Variants in SNAP91 observed in about 807,000 individuals in gnomAD.
SNAP91 encodes synaptosome associated protein 91, also known as clathrin coat assembly protein AP180.
A neutral mutation model predicts 100.3 loss-of-function variants in SNAP91; 27 were observed. The ratio of observed to expected loss-of-function variants is 0.27; its 90% CI spans 0.20 to 0.37. The LOEUF is 0.37. Ranked by LOEUF, SNAP91 falls within the 10% of genes least tolerant of loss-of-function variation. The pLI is 1.00. For synonymous variants in SNAP91, 404 were observed against 398.6 expected, an observed-to-expected ratio of 1.01 and a Z score of -0.16; for missense variants, 986 against 1,123.7, an observed-to-expected ratio of 0.88 and a Z score of 1.75.
intron 2 of SNAP91, among the ~76,000 whole-genome samples, chr6:83,701,964 T>C (rs377599328): frequency 6.6e-4 from 100 of 152,332 alleles, no homozygotes; most frequent in African/African-American, 2.3e-3. Context: ...TTACAAATCA[T>C]TGTGCAATTG....
chr6:83,704,291 G>T (rs1327157858), intron 2 of SNAP91, among the ~76,000 whole-genome samples: 1 of 152,092 alleles, frequency 6.6e-6, no homozygotes, highest in Non-Finnish European at 1.5e-5. Flanking sequence ...AACCAATATT[G>T]GTTAGGTATT....
chr6:83,643,968 A>G (rs1022601173), intron 7 of SNAP91, among the ~76,000 whole-genome samples: 6 of 152,198 alleles, frequency 3.9e-5, no homozygotes, highest in Admixed American at 6.6e-5. Flanking sequence ...CTATAAGACG[A>G]AAGTCTTTTC....
chr6:83,591,250 C>G lies in SNAP91; in HGVS notation c.1975G>C (p.Ala659Pro), dbSNP rs199865724. Reference sequence around the variant, plus strand: ...GCCGATGCTGATGAACTAGAAGCAGCCTGAGATGCAGGTTGGGGTTCAGAA... The same window carrying G: ...GCCGATGCTGATGAACTAGAAGCAGGCTGAGATGCAGGTTGGGGTTCAGAA... ...SASEPQPASQ[A>P]ASSSSASADL... Residue 659 changes from alanine to proline, a missense_variant, in exon 22 of 30, where the codon GCT becomes CCT. This residue lies in a region of SNAP91 where 575 missense variants were observed against 579.9 expected (regional missense o/e 0.99). Coordinates refer to ENST00000369694, the MANE Select transcript of SNAP91 (RefSeq NM_001242792.2). The G allele has an allele frequency of 6.2e-7, 1 of 1,612,740 alleles. No homozygotes were observed. The highest frequency in any genetic ancestry group is 1.3e-5 in the African/African-American group (1 of 74,894).
At chr6:83,590,539 G>T (rs531545338) in intron 22 of SNAP91, among the ~76,000 whole-genome samples, 2 of 150,540 alleles carry the variant, frequency 1.3e-5, no homozygotes, top group South Asian at 2.1e-4. Context: ...ATAGAAAAAT[G>T]ATCAGCTTGT....
intron 6 of SNAP91, among the ~76,000 whole-genome samples, chr6:83,657,426 A>T (rs1481147090): frequency 6.6e-6 from 1 of 152,202 alleles, no homozygotes; most frequent in African/African-American, 2.4e-5. Context: ...CTCTTTTAAG[A>T]CAGAACCCTT....
At chr6:83,602,462 T>C (rs1054408166) in intron 14 of SNAP91, among the ~76,000 whole-genome samples, 3 of 152,182 alleles carry the variant, frequency 2.0e-5, no homozygotes, top group Non-Finnish European at 2.9e-5. Context: ...TGCCTAGTTA[T>C]ACAGAATTCA....
intron 7 of SNAP91, among the ~76,000 whole-genome samples, chr6:83,650,020 ATT>A (rs566120561): frequency 6.8e-6 from 1 of 146,826 alleles, no homozygotes. Flanking sequence ...TTTGTTGAAG[ATT>A]TTTTTTTTTT....
At chr6:83,578,578 ATTAT>A (rs1392675224) in intron 24 of SNAP91, among the ~76,000 whole-genome samples, 1 of 152,146 alleles carries the variant, frequency 6.6e-6, no homozygotes, top group African/African-American at 2.4e-5. Flanking sequence ...TAAAAATTGC[ATTAT>A]TTGTGTTTTC....
chr6:83,670,759 C>G (rs1221245871), intron 2 of SNAP91, among the ~76,000 whole-genome samples: 1 of 151,806 alleles, frequency 6.6e-6, no homozygotes, highest in Admixed American at 6.6e-5. Flanking sequence ...TGAAAAAAAA[C>G]TATTCTTTCT....
chr6:83,600,050 C>T (rs764547239), intron 16 of SNAP91, among the ~76,000 whole-genome samples: 2 of 152,160 alleles, frequency 1.3e-5, no homozygotes, highest in East Asian at 1.9e-4. Flanking sequence ...TCCCAAAGTA[C>T]TAGTATTACA....
At chr6:83,578,903 ATTTT>A (rs894278542) in intron 24 of SNAP91, among the ~76,000 whole-genome samples, 1 of 150,854 alleles carries the variant, frequency 6.6e-6, no homozygotes, top group Non-Finnish European at 1.5e-5. Flanking sequence ...CTTTGAATTA[ATTTT>A]TTTTTGTTTA....
At chr6:83,699,523 T>C (rs888323324) in intron 2 of SNAP91, among the ~76,000 whole-genome samples, 3 of 152,188 alleles carry the variant, frequency 2.0e-5, no homozygotes, top group South Asian at 2.1e-4. Flanking sequence ...ATACAAAAGG[T>C]ATATTTAGAT....
Position 83,659,103 on chromosome 6 carries a change from A to T in SNAP91, c.453-11T>A, listed in dbSNP as rs757188551. On this transcript the variant is annotated splice_polypyrimidine_tract_variant and intron_variant, in intron 5 of 29. Coordinates refer to ENST00000369694, the MANE Select transcript of SNAP91 (RefSeq NM_001242792.2). The stretch of plus-strand genomic sequence containing the variant: ...ATTACACCATCGGCCCTACAATTAA[A>T]AAAAAAAAAAAGGTACAATTTCATT... The T allele has an allele frequency of 2.2e-6, 3 of 1,379,102 alleles. No individual in the cohort carries two copies. Among genetic ancestry groups the T allele is most frequent in the East Asian group, 2.7e-5 (1 of 36,380 alleles). The allele number at this position is 1,379,102 out of a possible 1,614,324, so 85.4% of individuals were successfully genotyped here.
chr6:83,614,941 G>T, intron 10 of SNAP91, 79 bp from the exon 11 acceptor site: 1 of 1,179,782 alleles, frequency 8.5e-7, no homozygotes, highest in Non-Finnish European at 1.2e-6. Context: ...AAAAAATAGG[G>T]AATAAGCAAA....
At position 83,591,235 on chromosome 6, in the gene SNAP91, A is replaced by G; in HGVS notation, c.1990T>C (p.Ser664Pro). 1 of 1,612,054 alleles carries G rather than the reference A, an allele frequency of 6.2e-7. No homozygotes were observed. Among genetic ancestry groups the G allele is most frequent in the Non-Finnish European group, 8.5e-7 (1 of 1,178,378 alleles). The change falls in exon 22 of 30, where the codon TCA becomes CCA. Residue 664 changes from serine to proline, a missense_variant. Coordinates refer to ENST00000369694, the MANE Select transcript of SNAP91 (RefSeq NM_001242792.2). ...QPASQAASSS[S>P]ASADLLAGFG... ...CCAGCTAGTAGGTCTGCCGATGCTG[A>G]TGAACTAGAAGCAGCCTGAGATGCA... is the stretch of plus-strand genomic sequence containing the variant.
intron 7 of SNAP91, among the ~76,000 whole-genome samples, chr6:83,656,131 G>A (rs1198529297): frequency 6.6e-6 from 1 of 152,064 alleles, no homozygotes; most frequent in Non-Finnish European, 1.5e-5. Context: ...TGGATGATAA[G>A]GTACTTGAAA....
chr6:83,567,434 G>C (rs999487171), intron 26 of SNAP91, among the ~76,000 whole-genome samples: 1 of 152,132 alleles, frequency 6.6e-6, no homozygotes, highest in African/African-American at 2.4e-5. Context: ...TCAGGACATA[G>C]GCATGGGCAA....
At chr6:83,676,216 A>G (rs189537982) in intron 2 of SNAP91, among the ~76,000 whole-genome samples, 2 of 152,168 alleles carry the variant, frequency 1.3e-5, no homozygotes, top group East Asian at 3.9e-4. Context: ...TCTATCTATC[A>G]TCTAGATATA....
rs748134574 is a variant in SNAP91 at position 83,656,829 on chromosome 6, C to T, written c.583G>A (p.Ala195Thr). ...PNELTNGVIN[A>T]AFMLLFKDLI... ...TCTTTGAAAAGAAGCATAAATGCTGCATTTATGACACCATTTGTTAGTTCA... is the reference window on the plus strand; with the variant it reads ...TCTTTGAAAAGAAGCATAAATGCTGTATTTATGACACCATTTGTTAGTTCA... The change falls in exon 7 of 30, where the codon GCA (alanine) becomes ACA (threonine). Residue 195 changes from alanine to threonine, a missense_variant. This residue lies in a region of SNAP91 where 330 missense variants were observed against 447.5 expected (regional missense o/e 0.74). Transcript: ENST00000369694. 6.2e-7 allele frequency: 1 copy of T among 1,604,062 alleles called. No homozygotes were observed. The highest frequency in any genetic ancestry group is 8.5e-7 in the Non-Finnish European group (1 of 1,174,858).
Sources: gnomAD v4.1 joint callset for allele counts (sites outside exome capture counted in the v4.1 genomes callset) on GRCh38, gnomAD v4.1.1 for gene constraint, gnomAD v4.1.1 regional missense constraint, MANE v1.5 for transcripts, NCBI Gene and HGNC (gene_info 2026-07-23, HGNC 2026-07-21) for gene names.